The following ANKS4B variants were observed in gnomAD, a reference collection of about 807,000 sequenced individuals.
ANKS4B encodes the protein ankyrin repeat and SAM domain-containing protein 4B.
Under a neutral mutation model 20.2 loss-of-function variants are expected in ANKS4B, and 21 were observed. That is an observed-to-expected ratio of 1.04 (90% CI 0.74 to 1.50). ANKS4B has a LOEUF of 1.50. ANKS4B is among the 40% of genes most tolerant of loss of function. ANKS4B has a pLI of 0.00. For missense variants in ANKS4B, 473 were observed against 494.6 expected (o/e 0.96, Z 0.41); for synonymous variants, 179 against 194.5 (o/e 0.92, Z 0.66).
In ANKS4B at chr16:21,250,853, G is replaced by A; in HGVS notation, c.*33G>A. On this transcript the variant is annotated 3_prime_UTR_variant, in exon 2 of 2. Coordinates refer to ENST00000311620, the MANE Select transcript of ANKS4B (RefSeq NM_145865.3). The stretch of plus-strand genomic sequence containing the variant: ...TTTTGGCCTGGAGCATTGGGGTGAT[G>A]CTGTGGCCCGCTGGCAGCACTCCAG... 1 of 1,544,792 alleles carries A rather than the reference G, an allele frequency of 6.5e-7. No homozygotes were observed. Among genetic ancestry groups the A allele is most frequent in the Non-Finnish European group, 8.7e-7 (1 of 1,142,958 alleles).
chr16:21,234,483 TACACACACACACAC>T (rs34242527), intron 1 of ANKS4B, among the ~76,000 whole-genome samples: 21 of 124,636 alleles, frequency 1.7e-4, no homozygotes, highest in African/African-American at 5.5e-4. Context: ...AGTGGATAGA[TACACACACACACAC>T]ACACACACAC....
chr16:21,244,370 T>C (rs944559542), intron 1 of ANKS4B, among the ~76,000 whole-genome samples: 2 of 152,182 alleles, frequency 1.3e-5, no homozygotes, highest in Admixed American at 1.3e-4. Context: ...CCATGGCACA[T>C]GTATACCTAG....
In ANKS4B at chr16:21,233,886, T is replaced by C; in HGVS notation, c.149T>C (p.Ile50Thr). ...AYHGNLEALE[I>T]ICSRGGDPDR... ...CATGGGAACTTGGAAGCCCTAGAGA[T>C]AATCTGCAGTAGAGGGTAAGTTCAA... The change falls in exon 1 of 2, where the codon ATA becomes ACA. Residue 50 changes from isoleucine (I) to threonine (T), a missense_variant. Ile to Thr is a moderately conservative substitution (Grantham distance 89). Coordinates refer to ENST00000311620, the MANE Select transcript of ANKS4B (RefSeq NM_145865.3). 1 of 1,612,946 alleles carries C rather than the reference T, an allele frequency of 6.2e-7. No individual in the cohort carries two copies. The highest frequency in any genetic ancestry group is 8.5e-7 in the Non-Finnish European group (1 of 1,179,482).
intron 1 of ANKS4B, among the ~76,000 whole-genome samples, chr16:21,245,612 G>A (rs981249764): frequency 2.0e-5 from 3 of 152,048 alleles, no homozygotes; most frequent in East Asian, 1.9e-4. Context: ...CTACAGGCGC[G>A]CACCACCATG....
At chr16:21,240,418 A>G (rs1476388334) in intron 1 of ANKS4B, among the ~76,000 whole-genome samples, 1 of 152,040 alleles carries the variant, frequency 6.6e-6, no homozygotes, top group African/African-American at 2.4e-5. Flanking sequence ...CCTCTGGAAT[A>G]GCTGAGACTA....
chr16:21,243,027 G>A (rs1343458048), intron 1 of ANKS4B, among the ~76,000 whole-genome samples: 1 of 152,096 alleles, frequency 6.6e-6, no homozygotes, highest in Non-Finnish European at 1.5e-5. Flanking sequence ...GCAGAGTATT[G>A]TTTCAATTTG....
In ANKS4B at chr16:21,250,225, G is replaced by A. The variant is rs2152860085; in HGVS notation, c.659G>A (p.Gly220Glu). ...KKNKDTAEQVGKEGRSGQRNV... is the reference protein window; with the variant it reads ...KKNKDTAEQVEKEGRSGQRNV... Reference sequence around the variant, plus strand: ...AACAAAGATACAGCAGAACAGGTGGGGAAGGAAGGCAGAAGTGGGCAGAGG... The same window carrying A: ...AACAAAGATACAGCAGAACAGGTGGAGAAGGAAGGCAGAAGTGGGCAGAGG... Residue 220 changes from glycine (G) to glutamate (E), a missense_variant, in exon 2 of 2, where the codon GGG becomes GAG. Physicochemically the swap from Gly to Glu is moderately conservative, Grantham distance 98. Transcript: ENST00000311620. 1.2e-6 allele frequency: 2 copies of A among 1,614,160 alleles called. No homozygotes were observed. The highest frequency in any genetic ancestry group is 1.7e-6 in the Non-Finnish European group (2 of 1,180,038).
intron 1 of ANKS4B, among the ~76,000 whole-genome samples, chr16:21,240,289 C>G (rs1350858174): frequency 4.6e-5 from 7 of 151,812 alleles, no homozygotes; most frequent in Non-Finnish European, 1.0e-4. Flanking sequence ...CTTTTTCCCC[C>G]AGATTCTTTT....
At chr16:21,234,368 A>T (rs2093317588) in intron 1 of ANKS4B, among the ~76,000 whole-genome samples, 1 of 151,508 alleles carries the variant, frequency 6.6e-6, no homozygotes. Flanking sequence ...CAAGCTCATG[A>T]TTTTTTTATT....
At chr16:21,238,902 C>T (rs2093323283) in intron 1 of ANKS4B, 1 of 152,080 alleles carries the variant, frequency 6.6e-6, no homozygotes, top group South Asian at 2.1e-4. Context: ...TCATTGCCCT[C>T]AAAAGCATCT....
chr16:21,234,794 TAGTG>T lies in ANKS4B; in HGVS notation c.164+896_164+899del, dbSNP rs371609408. 1.7e-4 allele frequency among the ~76,000 whole-genome samples: 26 copies of T among 152,246 alleles called. No homozygotes were observed. The East Asian group carries it at 3.3e-3, about 19-fold the overall frequency. ...AACAAGACAGCCACAGTCCCTGTCA[TAGTG>T]AGCAGATTTGAGAGGGGAAGACAAG... is the stretch of plus-strand genomic sequence containing the variant. On this transcript the variant is annotated intron_variant, in intron 1 of 1. Transcript: ENST00000311620.
Position 21,250,372 on chromosome 16 carries a change from C to T in ANKS4B, c.806C>T (p.Pro269Leu). The change falls in exon 2 of 2, where the codon CCA becomes CTA. Residue 269 changes from proline to leucine, a missense_variant. Transcript: ENST00000311620. The stretch of plus-strand genomic sequence containing the variant: ...CACCATGAATCCATTCTCAATCGTC[C>T]AGGTCTAGGAAGTATTGTTTTTAGA... ...SVHHESILNR[P>L]GLGSIVFRRN... The T allele has an allele frequency of 6.2e-7, 1 of 1,614,148 alleles. No homozygotes were observed. Among genetic ancestry groups the T allele is most frequent in the South Asian group, 1.1e-5 (1 of 91,074 alleles).
chr16:21,235,447 T>C (rs2093319193), intron 1 of ANKS4B, among the ~76,000 whole-genome samples: 1 of 152,142 alleles, frequency 6.6e-6, no homozygotes, highest in Non-Finnish European at 1.5e-5. Flanking sequence ...GACTTTATCC[T>C]AAGGGCCCAG....
chr16:21,235,166 C>A (rs960493973), intron 1 of ANKS4B, among the ~76,000 whole-genome samples: 3 of 152,130 alleles, frequency 2.0e-5, no homozygotes, highest in Non-Finnish European at 2.9e-5. Flanking sequence ...ATATTTGTTA[C>A]AAAAAGGGAA....
chr16:21,243,191 G>C (rs763402235), intron 1 of ANKS4B, among the ~76,000 whole-genome samples: 2 of 152,124 alleles, frequency 1.3e-5, no homozygotes, highest in Non-Finnish European at 2.9e-5. Context: ...TGCCTACTTA[G>C]TGACAGTAGT....
At chr16:21,243,392 G>A (rs559967887) in intron 1 of ANKS4B, among the ~76,000 whole-genome samples, 2 of 152,284 alleles carry the variant, frequency 1.3e-5, no homozygotes, top group East Asian at 1.9e-4. Flanking sequence ...ATTATCAAAC[G>A]ACAGGACTAG....
Position 21,234,522 on chromosome 16 carries a change from C to CACACACG in ANKS4B, c.164+621_164+622insACACACG, listed in dbSNP as rs1380262253. ...CACACACACACACACACACACACAC[C>CACACACG]CCATCTCTTTGCCCAGATTTTAATG... On this transcript the variant is annotated intron_variant, in intron 1 of 1. Coordinates refer to ENST00000311620, the MANE Select transcript of ANKS4B (RefSeq NM_145865.3). Among the ~76,000 whole-genome samples the CACACACG allele has an allele frequency of 3.1e-3, 382 of 121,352 alleles. 3 individuals carry two copies. The highest frequency in any genetic ancestry group is 0.029 in the East Asian group (124 of 4,338). 79.6% of individuals were successfully genotyped at this position (121,352 alleles called of 152,430 possible). A position where few individuals can be genotyped will look rare whatever the true frequency, so the allele number is the denominator to read the frequency against.
At chr16:21,239,247 T>C (rs530202869) in intron 1 of ANKS4B, among the ~76,000 whole-genome samples, 1 of 152,224 alleles carries the variant, frequency 6.6e-6, no homozygotes, top group South Asian at 2.1e-4. Flanking sequence ...GCCAGCAATC[T>C]CATTACTGGG....
chr16:21,245,374 G>C (rs2093331074), intron 1 of ANKS4B, among the ~76,000 whole-genome samples: 1 of 152,216 alleles, frequency 6.6e-6, no homozygotes, highest in South Asian at 2.1e-4. Flanking sequence ...ACACAAAGGA[G>C]AAAGAGACAC....
Sources: gnomAD v4.1 joint callset for allele counts (sites outside exome capture counted in the v4.1 genomes callset) on GRCh38, gnomAD v4.1.1 for gene constraint, MANE v1.5 for transcripts, NCBI Gene and HGNC (gene_info 2026-07-23, HGNC 2026-07-21) for gene names.